GFM2: variants seen among roughly 807,000 people sequenced by gnomAD.
GFM2 encodes the protein GTP dependent ribosome recycling factor mitochondrial 2.
In GFM2, 72 loss-of-function variants were observed where a neutral mutation model predicts 95.4. The ratio of observed to expected loss-of-function variants is 0.76; its 90% confidence interval spans 0.62 to 0.92. The LOEUF (loss-of-function observed/expected upper bound fraction) is 0.92. Among genes scored for constraint, GFM2 ranks in the 40% least tolerant of loss-of-function variants. The pLI is 0.00. For missense variants in GFM2, 825 were observed against 924.1 expected, an observed-to-expected ratio of 0.89 and a Z score of 1.39; for synonymous variants, 276 against 317.5, an observed-to-expected ratio of 0.87 and a Z score of 1.39.
rs756501893 is a variant in GFM2, at chr5:74,730,269, G to A, written c.1717C>T (p.Arg573Cys). 1.2e-5 allele frequency: 20 copies of A among 1,602,774 alleles called. No homozygotes were observed. The highest frequency in any genetic ancestry group is 1.7e-4 in the Middle Eastern group (1 of 6,002). ...AYRETILNSV[R>C]ATDTLDRTLG... The stretch of plus-strand genomic sequence containing the variant: ...ATGTTTTACTTTTTACCTGTGGCAC[G>A]AACTGAGTTTAGGATGGTCTCTCGA... Residue 573 changes from arginine to cysteine, a missense_variant, in exon 17 of 21, where the codon CGT becomes TGT. Coordinates refer to ENST00000296805, the MANE Select transcript of GFM2 (RefSeq NM_032380.5).
intron 17 of GFM2, among the ~76,000 whole-genome samples, chr5:74,728,404 T>C (rs551670848): frequency 1.3e-5 from 2 of 152,204 alleles, no homozygotes; most frequent in African/African-American, 2.4e-5. Flanking sequence ...CATAAAGGTC[T>C]TTATCCTCGT....
intron 5 of GFM2, among the ~76,000 whole-genome samples, chr5:74,758,267 G>A (rs576987165): frequency 3.3e-4 from 50 of 152,212 alleles, no homozygotes; most frequent in African/African-American, 1.1e-3. Context: ...AACAACTTCT[G>A]ATTGGTAAAC....
intron 14 of GFM2, 142 bp downstream of exon 14, chr5:74,738,176 T>G: frequency 1.6e-6 from 1 of 637,898 alleles, no homozygotes; most frequent in Non-Finnish European, 2.7e-6. Context: ...GATTCAGCCA[T>G]GTTGACAAAT....
At chr5:74,723,390 A>T (rs1040842479) in intron 19 of GFM2, among the ~76,000 whole-genome samples, 1 of 152,124 alleles carries the variant, frequency 6.6e-6, no homozygotes, top group Non-Finnish European at 1.5e-5. Context: ...TTCTTCTCCA[A>T]ACACTTCTAT....
chr5:74,722,607 T>G (rs1749958294), intron 19 of GFM2, 46 bp from the exon 20 acceptor site: 2 of 1,481,474 alleles, frequency 1.4e-6, no homozygotes, highest in Non-Finnish European at 1.8e-6. Flanking sequence ...AAATAAAAAC[T>G]TAAAATAAAT....
At chr5:74,744,051 G>T (rs1173054954) in intron 10 of GFM2, among the ~76,000 whole-genome samples, 1 of 152,186 alleles carries the variant, frequency 6.6e-6, no homozygotes, top group African/African-American at 2.4e-5. Context: ...TAGTGACAGG[G>T]ATAAGTTCTG....
At position 74,736,951 on chromosome 5, in the gene GFM2, G is replaced by A. The variant is rs1742865615; in HGVS notation, c.1355C>T (p.Ser452Phe). Residue 452 changes from serine (S) to phenylalanine (F), a missense_variant, in exon 15 of 21, where the codon TCC (serine) becomes TTC (phenylalanine). Physicochemically the swap from Ser to Phe is radical, Grantham distance 155. Transcript: ENST00000296805. ...TCTACGAGCTGCAGCTAATGCACTG[G>A]ACTTGGATGAGACAATGGTGTCTCC... ...ATGDTIVSSKSSALAAARRAE... is the reference protein window; with the variant it reads ...ATGDTIVSSKFSALAAARRAE... The A allele has an allele frequency of 1.2e-6, 2 of 1,613,512 alleles. No individual in the cohort carries two copies. Among genetic ancestry groups the A allele is most frequent in the African/African-American group, 2.7e-5 (2 of 74,892 alleles).
chr5:74,730,605 G>A (rs1466966745), intron 16 of GFM2: 3 of 371,478 alleles, frequency 8.1e-6, no homozygotes, highest in African/African-American at 4.2e-5. Context: ...GAATTACCTG[G>A]CCATTCTCTC....
intron 8 of GFM2, among the ~76,000 whole-genome samples, chr5:74,746,737 C>T (rs1363126919): frequency 6.6e-6 from 1 of 152,036 alleles, no homozygotes; most frequent in Non-Finnish European, 1.5e-5. Flanking sequence ...TCAGAACCAG[C>T]CTATTTTCCA....
At chr5:74,747,069 C>A (rs1182016552) in intron 8 of GFM2, among the ~76,000 whole-genome samples, 2 of 152,188 alleles carry the variant, frequency 1.3e-5, no homozygotes, top group Non-Finnish European at 2.9e-5. Flanking sequence ...TCTTGATTCT[C>A]TCCCTTTCAC....
intron 5 of GFM2, among the ~76,000 whole-genome samples, chr5:74,752,947 C>T (rs1385157192): frequency 2.6e-5 from 4 of 152,066 alleles, no homozygotes; most frequent in African/African-American, 9.7e-5. Flanking sequence ...ACATGGTCTA[C>T]CCAAATGAGA....
intron 1 of GFM2, among the ~76,000 whole-genome samples, chr5:74,766,720 T>C (rs927844847): frequency 3.9e-5 from 6 of 152,226 alleles, no homozygotes; most frequent in Non-Finnish European, 7.3e-5. Context: ...TTCACAATCA[T>C]GCACACATTA....
intron 15 of GFM2, among the ~76,000 whole-genome samples, chr5:74,734,090 G>A (rs1411927562): frequency 6.6e-6 from 1 of 151,994 alleles, no homozygotes; most frequent in Non-Finnish European, 1.5e-5. Context: ...AGTATCTTAG[G>A]TATACAAACC....
chr5:74,759,545 C>T, intron 3 of GFM2, 119 bp from the exon 4 acceptor site: 2 of 570,110 alleles, frequency 3.5e-6, no homozygotes, highest in Non-Finnish European at 6.3e-6. Flanking sequence ...AAGTAAAATT[C>T]AAGCTAAATA....
chr5:74,757,407 T>C (rs569674609), intron 5 of GFM2, among the ~76,000 whole-genome samples: 1 of 152,302 alleles, frequency 6.6e-6, no homozygotes, highest in Admixed American at 6.5e-5. Flanking sequence ...GTGACTATAA[T>C]TACTGTAAAG....
intron 8 of GFM2, 76 bp from the exon 9 acceptor site, chr5:74,746,241 A>C (rs1267424374): frequency 1.1e-5 from 8 of 734,260 alleles, no homozygotes; most frequent in Middle Eastern, 8.5e-4. Flanking sequence ...GAGGAAAAAA[A>C]ACTCTTTCAG....
chr5:74,747,806 A>G (rs368796956), intron 7 of GFM2, 26 bp from the exon 8 acceptor site: 168 of 1,299,958 alleles, frequency 1.3e-4, no homozygotes, highest in Non-Finnish European at 1.8e-4. Context: ...GGAAAAAAAT[A>G]CATACTGAAC....
At chr5:74,744,394 A>G in intron 10 of GFM2, among the ~76,000 whole-genome samples, 1 of 127,490 alleles carries the variant, frequency 7.8e-6, no homozygotes, top group East Asian at 2.8e-4. Flanking sequence ...AAGATAAGTG[A>G]AAAAAAAATG....
At chr5:74,751,555 A>G (rs1743715177) in intron 5 of GFM2, 62 bp from the exon 6 acceptor site, 14 of 1,263,646 alleles carry the variant, frequency 1.1e-5, no homozygotes, top group Non-Finnish European at 1.6e-5. Context: ...TTCGTGCTCA[A>G]TATCTACCTG....
Sources: gnomAD v4.1 joint callset for allele counts (sites outside exome capture counted in the v4.1 genomes callset) on GRCh38, gnomAD v4.1.1 for gene constraint, MANE v1.5 for transcripts, NCBI Gene and HGNC (gene_info 2026-07-23, HGNC 2026-07-21) for gene names.